FAM124A: variants seen among roughly 807,000 people sequenced by gnomAD.
FAM124A encodes the protein family with sequence similarity 124 member A.
A neutral mutation model predicts 24.5 loss-of-function variants in FAM124A; 23 were observed. That is an observed-to-expected ratio of 0.94 (90% CI 0.68 to 1.33). FAM124A has a LOEUF of 1.33. Ranked by LOEUF, FAM124A falls within the 40% of genes most tolerant of loss-of-function variation. The pLI is 0.00. For synonymous variants in FAM124A, 287 were observed against 314.7 expected (o/e 0.91, Z 0.93); for missense variants, 623 against 722.8 (o/e 0.86, Z 1.58).
intron 3 of FAM124A, among the ~76,000 whole-genome samples, chr13:51,255,928 G>C (rs905164899): frequency 6.6e-6 from 1 of 152,186 alleles, no homozygotes; most frequent in East Asian, 1.9e-4. Flanking sequence ...CAGTGAATTT[G>C]CCTTTTTTAT....
intron 2 of FAM124A, among the ~76,000 whole-genome samples, chr13:51,243,152 C>A (rs1306751239): frequency 6.6e-6 from 1 of 152,174 alleles, no homozygotes; most frequent in Non-Finnish European, 1.5e-5. Context: ...GCACTGCAAC[C>A]AGTCTCGCCA....
intron 3 of FAM124A, among the ~76,000 whole-genome samples, chr13:51,275,418 G>A (rs1954877575): frequency 6.6e-6 from 1 of 152,104 alleles, no homozygotes; most frequent in African/African-American, 2.4e-5. Context: ...GTAAGTACCA[G>A]CCTTAAAGAA....
In FAM124A at chr13:51,281,423, G is replaced by A. The variant is rs549485170; in HGVS notation, c.*167G>A. The A allele has an allele frequency of 6.0e-5, 33 of 551,316 alleles. No homozygotes were observed. The South Asian group carries it at 1.1e-3, about 19-fold the overall frequency. The allele number at this position is 551,316 out of a possible 1,614,324, so 34.2% of individuals were successfully genotyped here. A position where few individuals can be genotyped will look rare whatever the true frequency, so the allele number is the denominator to read the frequency against. On this transcript the variant is annotated 3_prime_UTR_variant, in exon 4 of 4. Transcript: ENST00000322475. ...TTAGCTGGGGGGTGGTATATCTCTAGAGACACAGCAGAAAAATACTGGCAT... is the reference window on the plus strand; with the variant it reads ...TTAGCTGGGGGGTGGTATATCTCTAAAGACACAGCAGAAAAATACTGGCAT...
intron 2 of FAM124A, among the ~76,000 whole-genome samples, chr13:51,233,220 T>C (rs1954398359): frequency 6.6e-6 from 1 of 152,146 alleles, no homozygotes; most frequent in South Asian, 2.1e-4. Flanking sequence ...TTTTGTCATC[T>C]GACTACACCG....
rs1954649293 is a variant in FAM124A at position 51,253,783 on chromosome 13, G to T, written c.834+1582G>T. On this transcript the variant is annotated intron_variant, in intron 3 of 3. Coordinates refer to ENST00000322475, the MANE Select transcript of FAM124A (RefSeq NM_001242312.2). ...TCAAGGAAGATCCACATATTTAAAT[G>T]GCTATAAACTCTATACAGGTGCAGG... Among the ~76,000 whole-genome samples the T allele has an allele frequency of 2.0e-5, 3 of 152,298 alleles. No homozygotes were observed. In the South Asian group the frequency reaches 6.2e-4, roughly 32 times the overall value.
chr13:51,258,763 C>G lies in FAM124A; in HGVS notation c.834+6562C>G, dbSNP rs146389202. Among the ~76,000 whole-genome samples, 35 of 152,310 alleles carry G rather than the reference C, an allele frequency of 2.3e-4. No individual in the cohort carries two copies. The highest frequency in any genetic ancestry group is 2.1e-3 in the South Asian group (10 of 4,830). On this transcript the variant is annotated intron_variant, in intron 3 of 3. Transcript: ENST00000322475. The surrounding 1 kb of genome is among the most constrained non-coding windows in gnomAD (Gnocchi z 4.2). ...TTCTTCCCTAGCAGAGTCACTGAGA[C>G]CTGTGGGAAGAATGCCTCTGGCGTG...
In FAM124A at chr13:51,258,805, A is replaced by T. The variant is rs556827366; in HGVS notation, c.834+6604A>T. Among the ~76,000 whole-genome samples the T allele has an allele frequency of 2.0e-5, 3 of 152,196 alleles. No homozygotes were observed. The highest frequency in any genetic ancestry group is 4.4e-5 in the Non-Finnish European group (3 of 68,038). Reference sequence around the variant, plus strand: ...TCTGGCGTGCCCTCGGTCAGCACCCATGACCCGGGAATGGCAACCGTTACC... The same window carrying T: ...TCTGGCGTGCCCTCGGTCAGCACCCTTGACCCGGGAATGGCAACCGTTACC... On this transcript the variant is annotated intron_variant, in intron 3 of 3. Transcript: ENST00000322475. This position sits in a 1 kb window ranked among gnomAD's most constrained non-coding sequence, Gnocchi z 4.2.
At chr13:51,256,826 C>A (rs1954680064) in intron 3 of FAM124A, among the ~76,000 whole-genome samples, 1 of 152,184 alleles carries the variant, frequency 6.6e-6, no homozygotes, top group Admixed American at 6.5e-5. Flanking sequence ...AAAGTCTGTA[C>A]CCACTGATCA....
At chr13:51,264,300 G>T (rs1328208120) in intron 3 of FAM124A, among the ~76,000 whole-genome samples, 2 of 152,164 alleles carry the variant, frequency 1.3e-5, no homozygotes, top group Admixed American at 6.5e-5. Flanking sequence ...CCTGCCAGTT[G>T]TCCATGTTTC....
At position 51,279,099 on chromosome 13, in the gene FAM124A, G is replaced by A. The variant is rs560718093; in HGVS notation, c.835-1351G>A. Among the ~76,000 whole-genome samples the A allele has an allele frequency of 8.4e-4, 128 of 152,262 alleles. 1 individual carries two copies. The highest frequency in any genetic ancestry group is 6.8e-4 in the Non-Finnish European group (46 of 68,006). ...GACATTAGGGCACCCAAAGGAATTG[G>A]CCTTTGGAAAAAATAAGATAGACAT... On this transcript the variant is annotated intron_variant, in intron 3 of 3. Transcript: ENST00000322475.
At position 51,272,433 on chromosome 13, in the gene FAM124A, A is replaced by G. The variant is rs1223635122; in HGVS notation, c.835-8017A>G. On this transcript the variant is annotated intron_variant, in intron 3 of 3. Coordinates refer to ENST00000322475, the MANE Select transcript of FAM124A (RefSeq NM_001242312.2). This position sits in a 1 kb window ranked among gnomAD's most constrained non-coding sequence, Gnocchi z 4.2. The stretch of plus-strand genomic sequence containing the variant: ...GAGATGGCCGGGCTAAATGGGAAAC[A>G]GTGTCTATGCCTAGATGAGAGAGTG... Among the ~76,000 whole-genome samples, 1 of 152,206 alleles carries G rather than the reference A, an allele frequency of 6.6e-6. No homozygotes were observed. Among genetic ancestry groups the G allele is most frequent in the African/African-American group, 2.4e-5 (1 of 41,456 alleles).
chr13:51,227,148 ATCCTCTG>A (rs1485599484), intron 1 of FAM124A: 1 of 152,212 alleles, frequency 6.6e-6, no homozygotes, highest in Non-Finnish European at 1.5e-5. Flanking sequence ...ATCACAATAG[ATCCTCTG>A]TTGCTTTTAA....
intron 3 of FAM124A, among the ~76,000 whole-genome samples, chr13:51,257,203 G>A (rs1487211435): frequency 6.6e-6 from 1 of 152,214 alleles, no homozygotes; most frequent in Non-Finnish European, 1.5e-5. Context: ...ATACCCAGAA[G>A]TGGAATTGCT....
chr13:51,270,185 C>A (rs1169702875), intron 3 of FAM124A, among the ~76,000 whole-genome samples: 2 of 152,270 alleles, frequency 1.3e-5, no homozygotes, highest in East Asian at 3.9e-4. Context: ...TTAAGGGTCC[C>A]CAGCAGGTTA....
chr13:51,247,268 C>T (rs1309095492), intron 2 of FAM124A, among the ~76,000 whole-genome samples: 3 of 152,172 alleles, frequency 2.0e-5, no homozygotes, highest in African/African-American at 4.8e-5. Context: ...AGTGGAGAGG[C>T]GAGCACACTT....
At chr13:51,228,763 C>A (rs1227149944) in intron 1 of FAM124A, among the ~76,000 whole-genome samples, 2 of 152,066 alleles carry the variant, frequency 1.3e-5, no homozygotes, top group Non-Finnish European at 2.9e-5. Flanking sequence ...AGTAAATAAG[C>A]TTTTGAGGTT....
chr13:51,280,363 G>T, intron 3 of FAM124A, 87 bp from the exon 4 acceptor site: 1 of 1,193,806 alleles, frequency 8.4e-7, no homozygotes. Context: ...GACATTGCCA[G>T]GAGTTTCCAA....
In FAM124A at chr13:51,280,557, A is replaced by G; in HGVS notation, c.942A>G (p.Thr314=). Residue 314 remains threonine, a synonymous_variant, in exon 4 of 4, where the codon ACA becomes ACG. Transcript: ENST00000322475. ...PLPSTAVPSH[T]PGSSQQSPLN... is the part of the protein sequence containing the mutation. ...CGAGCACTGCTGTACCAAGCCATAC[A>G]CCTGGCAGCAGCCAGCAGTCCCCGC... The G allele has an allele frequency of 2.5e-6, 4 of 1,613,772 alleles. No homozygotes were observed. Among genetic ancestry groups the G allele is most frequent in the Non-Finnish European group, 3.4e-6 (4 of 1,179,952 alleles).
intron 2 of FAM124A, among the ~76,000 whole-genome samples, chr13:51,233,451 T>C (rs1954400558): frequency 6.6e-6 from 1 of 152,098 alleles, no homozygotes; most frequent in South Asian, 2.1e-4. Flanking sequence ...TGTTTAACCC[T>C]AGTTACAAGG....
Sources: gnomAD v4.1 joint callset for allele counts (sites outside exome capture counted in the v4.1 genomes callset) on GRCh38, gnomAD v4.1.1 for gene constraint, Gnocchi (gnomAD v3.1) non-coding constraint, MANE v1.5 for transcripts, NCBI Gene and HGNC (gene_info 2026-07-23, HGNC 2026-07-21) for gene names.